Variants in FLRT1 observed in about 807,000 individuals in gnomAD.
FLRT1 encodes the protein leucine-rich repeat transmembrane protein FLRT1.
In FLRT1, 14 loss-of-function variants were observed where a neutral mutation model predicts 30.9. The observed-to-expected ratio is 0.45, with a 90% CI of 0.30 to 0.71. The LOEUF is 0.71. Ranked by LOEUF, FLRT1 falls within the 30% of genes least tolerant of loss-of-function variation. The pLI, the probability that FLRT1 is intolerant of heterozygous loss-of-function variation, is 0.08. For missense variants in FLRT1, 737 were observed against 949.2 expected (o/e 0.78, Z 2.94); for synonymous variants, 368 against 430.4 (o/e 0.85, Z 1.80).
At position 64,116,556 on chromosome 11, in the gene FLRT1, G is replaced by A. The variant is rs957833140; in HGVS notation, c.289G>A (p.Gly97Ser). ...YLQNNQINNA[G>S]IPQDLKTKVN... ...GCAGAACAACCAGATCAACAACGCCGGCATCCCCCAGGACCTCAAGACCAA... is the reference window on the plus strand; with the variant it reads ...GCAGAACAACCAGATCAACAACGCCAGCATCCCCCAGGACCTCAAGACCAA... Residue 97 changes from glycine (G) to serine (S), a missense_variant, in exon 3 of 3, where the codon GGC becomes AGC. Transcript: ENST00000682287. The A allele has an allele frequency of 1.3e-5, 21 of 1,613,846 alleles. No homozygotes were observed. The highest frequency in any genetic ancestry group is 1.6e-5 in the Non-Finnish European group (19 of 1,179,964).
At chr11:64,061,198 C>T (rs1271621840) in intron 1 of FLRT1, among the ~76,000 whole-genome samples, 2 of 152,242 alleles carry the variant, frequency 1.3e-5, no homozygotes, top group African/African-American at 4.8e-5. Context: ...AAATAAGTCC[C>T]CCGCTTCTAA....
rs900595856 is a variant in FLRT1 at position 64,118,162 on chromosome 11, A to G, written c.1895A>G (p.Glu632Gly). Residue 632 changes from glutamate (E) to glycine (G), a missense_variant, in exon 3 of 3, where the codon GAG (glutamate) becomes GGG (glycine). Physicochemically the swap from Glu to Gly is moderately conservative, Grantham distance 98. Transcript: ENST00000682287. ...LPINPYRAKE[E>G]YVVHTIFPSN... ...ATCAACCCGTACCGCGCCAAAGAAGAGTACGTGGTCCACACTATCTTCCCC... is the reference window on the plus strand; with the variant it reads ...ATCAACCCGTACCGCGCCAAAGAAGGGTACGTGGTCCACACTATCTTCCCC... 11 of 1,613,628 alleles carry G rather than the reference A, an allele frequency of 6.8e-6. No individual in the cohort carries two copies. Among genetic ancestry groups the G allele is most frequent in the Middle Eastern group, 3.3e-4 (2 of 6,082 alleles).
At chr11:64,077,273 C>T (rs749134114) in intron 1 of FLRT1, among the ~76,000 whole-genome samples, 2 of 152,184 alleles carry the variant, frequency 1.3e-5, no homozygotes, top group African/African-American at 4.8e-5. Context: ...GTACCCCAGG[C>T]GGCCAGCTGG....
chr11:64,076,877 C>T (rs1394001529), intron 1 of FLRT1, among the ~76,000 whole-genome samples: 1 of 152,230 alleles, frequency 6.6e-6, no homozygotes, highest in Non-Finnish European at 1.5e-5. Context: ...CCTTCCCAAG[C>T]TGCCACACTT....
At chr11:64,076,280 T>A (rs1474533201) in intron 1 of FLRT1, among the ~76,000 whole-genome samples, 8 of 152,120 alleles carry the variant, frequency 5.3e-5, no homozygotes, top group Admixed American at 4.6e-4. Context: ...GACCCTCCAC[T>A]GCATGGGTCA....
rs1458775954 is a variant in FLRT1 at position 64,117,101 on chromosome 11, G to A, written c.834G>A (p.Gln278=). ...PSAHLQKLYL[Q]DNAISHIPYN... ...CCCACCTGCAGAAGCTCTACCTGCA[G>A]GACAATGCCATCAGCCACATCCCCT... Residue 278 remains glutamine, a synonymous_variant, in exon 3 of 3, where the codon CAG becomes CAA. Coordinates refer to ENST00000682287, the MANE Select transcript of FLRT1 (RefSeq NM_013280.5). The A allele has an allele frequency of 6.2e-7, 1 of 1,606,124 alleles. No individual in the cohort carries two copies. Among genetic ancestry groups the A allele is most frequent in the African/African-American group, 1.3e-5 (1 of 74,744 alleles).
At chr11:64,108,593 G>C (rs1395912255) in intron 2 of FLRT1, among the ~76,000 whole-genome samples, 1 of 152,246 alleles carries the variant, frequency 6.6e-6, no homozygotes, top group African/African-American at 2.4e-5. Context: ...CCATCACAGA[G>C]CTGGAGATGA....
chr11:64,061,809 TC>T (rs1943909136), intron 1 of FLRT1, among the ~76,000 whole-genome samples: 1 of 151,338 alleles, frequency 6.6e-6, no homozygotes, highest in Non-Finnish European at 1.5e-5. Flanking sequence ...AAGCCATCCT[TC>T]AAGCCATCCT....
At chr11:64,078,054 C>A (rs573785320) in intron 1 of FLRT1, among the ~76,000 whole-genome samples, 16 of 152,328 alleles carry the variant, frequency 1.1e-4, no homozygotes, top group African/African-American at 3.8e-4. Context: ...GGAGGTACAG[C>A]AGCTCTGGGA....
rs1944017966 is a variant in FLRT1, at chr11:64,067,042, G to T, written c.-1038+30883G>T. Among the ~76,000 whole-genome samples the T allele has an allele frequency of 6.6e-6, 1 of 152,214 alleles. No homozygotes were observed. Among genetic ancestry groups the T allele is most frequent in the East Asian group, 1.9e-4 (1 of 5,192 alleles). On this transcript the variant is annotated intron_variant, in intron 1 of 2. Transcript: ENST00000682287. The surrounding 1 kb of genome is among the most constrained non-coding windows in gnomAD (Gnocchi z 4.6). Reference sequence around the variant, plus strand: ...TGGGGAGATTGGATGAGGGGCTCAGGGACCCCCCATGCCCAATGTCCTGGC... The same window carrying T: ...TGGGGAGATTGGATGAGGGGCTCAGTGACCCCCCATGCCCAATGTCCTGGC...
At chr11:64,101,027 G>A (rs1026947722) in intron 1 of FLRT1, among the ~76,000 whole-genome samples, 10 of 152,226 alleles carry the variant, frequency 6.6e-5, no homozygotes, top group African/African-American at 1.9e-4. Flanking sequence ...CAGGTGCTGG[G>A]GGATCCAGCC....
chr11:64,085,589 C>T (rs557058097), intron 1 of FLRT1, among the ~76,000 whole-genome samples: 14 of 152,328 alleles, frequency 9.2e-5, no homozygotes, highest in African/African-American at 2.4e-4. Flanking sequence ...CACCCCAGGC[C>T]GCAGCGTGGG....
intron 1 of FLRT1, among the ~76,000 whole-genome samples, chr11:64,101,866 G>A (rs983898584): frequency 6.6e-6 from 1 of 151,990 alleles, no homozygotes; most frequent in Non-Finnish European, 1.5e-5. Flanking sequence ...AGGGCAGCTT[G>A]TCCCAAGAAA....
chr11:64,109,997 T>C (rs1250804917), intron 2 of FLRT1, among the ~76,000 whole-genome samples: 1 of 152,044 alleles, frequency 6.6e-6, no homozygotes, highest in African/African-American at 2.4e-5. Context: ...TTAAACTGGA[T>C]GCGTCGGGGG....
chr11:64,109,008 C>T (rs954307892), intron 2 of FLRT1, among the ~76,000 whole-genome samples: 3 of 152,250 alleles, frequency 2.0e-5, no homozygotes, highest in South Asian at 2.1e-4. Context: ...CATCCATGCA[C>T]GTGAGCATGT....
intron 1 of FLRT1, among the ~76,000 whole-genome samples, chr11:64,058,403 T>C (rs1943831958): frequency 6.6e-6 from 1 of 151,276 alleles, no homozygotes. Flanking sequence ...GAGGAGGGCT[T>C]GGGGGGGGGT....
chr11:64,047,482 G>T (rs1943606809), intron 1 of FLRT1, among the ~76,000 whole-genome samples: 1 of 152,154 alleles, frequency 6.6e-6, no homozygotes, highest in African/African-American at 2.4e-5. Flanking sequence ...GGAGTGACCA[G>T]CTTGGCATTC....
chr11:64,103,585 T>TAA lies in FLRT1; in HGVS notation c.-634_-633dup, dbSNP rs35726613. On this transcript the variant is annotated 5_prime_UTR_variant, in exon 2 of 3. Coordinates refer to ENST00000682287, the MANE Select transcript of FLRT1 (RefSeq NM_013280.5). ...ATTCTGCCAAGTGACTTAAAGGAAT[T>TAA]AAAAAAAAAAAAAGCCTTGGTAAAC... 4.3e-3 allele frequency: 603 copies of TAA among 140,666 alleles called. 9 individuals carry two copies. In the Middle Eastern group the frequency reaches 0.05, roughly 12 times the overall value. 8.7% of individuals were successfully genotyped at this position (140,666 alleles called of 1,614,324 possible).
intron 1 of FLRT1, among the ~76,000 whole-genome samples, chr11:64,040,821 G>A (rs1331486477): frequency 6.6e-6 from 1 of 152,076 alleles, no homozygotes; most frequent in Non-Finnish European, 1.5e-5. Flanking sequence ...GTCCTGGAGG[G>A]CCCCGGACCC....
Sources: allele counts gnomAD v4.1 joint callset (sites outside exome capture counted in the v4.1 genomes callset), GRCh38; gene constraint gnomAD v4.1.1; non-coding constraint Gnocchi (gnomAD v3.1); transcripts MANE v1.5; gene names NCBI Gene and HGNC (gene_info 2026-07-23, HGNC 2026-07-21).